Variants in SLC38A10 observed in about 807,000 individuals in gnomAD.
SLC38A10 encodes Sodium-coupled neutral amino acid transporter 10.
Under a neutral mutation model 81.0 loss-of-function variants are expected in SLC38A10, and 53 were observed. The ratio of observed to expected loss-of-function variants is 0.65; its 90% CI spans 0.53 to 0.82. The LOEUF is 0.82. Ranked by LOEUF, SLC38A10 falls within the 40% of genes least tolerant of loss-of-function variation. The probability of loss-of-function intolerance (pLI) is 0.00; values close to 1 mark genes in which losing one functional copy is unlikely to be tolerated. For synonymous variants in SLC38A10, 665 were observed against 655.3 expected, an observed-to-expected ratio of 1.01 and a Z score of -0.23; for missense variants, 1,471 against 1,545.0, an observed-to-expected ratio of 0.95 and a Z score of 0.80.
At chr17:81,282,404 G>A in intron 4 of SLC38A10, 72 bp from the exon 5 acceptor site, 1 of 1,534,364 alleles carries the variant, frequency 6.5e-7, no homozygotes, top group Non-Finnish European at 8.8e-7. Flanking sequence ...GCACTGACAG[G>A]GAGTGGGAGC....
intron 10 of SLC38A10, among the ~76,000 whole-genome samples, chr17:81,269,090 T>C (rs940799537): frequency 5.3e-5 from 8 of 152,242 alleles, no homozygotes; most frequent in Non-Finnish European, 1.2e-4. Context: ...CTTCAATCTG[T>C]CTGCTCCTAA....
At chr17:81,254,802 G>A (rs995586205) in intron 11 of SLC38A10, among the ~76,000 whole-genome samples, 1 of 152,220 alleles carries the variant, frequency 6.6e-6, no homozygotes, top group African/African-American at 2.4e-5. Context: ...AAAACATACT[G>A]GTCTCCATCA....
chr17:81,283,429 C>G lies in SLC38A10; in HGVS notation c.337G>C (p.Ala113Pro). ...CTTACCTGAAACCCGAACAGCCGGG[C>G]AAAGAAGTTGGACCCCAAGTCGCCG... is the stretch of plus-strand genomic sequence containing the variant. ...VIGDLGSNFF[A>P]RLFGFQVGGT... is the part of the protein sequence containing the mutation. Residue 113 changes from alanine (A) to proline (P), a missense_variant, in exon 4 of 16, where the codon GCC becomes CCC. Around this residue, in one of 2 missense-constraint regions of SLC38A10, gnomAD observed 720 missense variants for 827.7 expected, o/e 0.87. Transcript: ENST00000374759. This position sits in a 1 kb window ranked among gnomAD's most constrained non-coding sequence, Gnocchi z 4.7. The G allele has an allele frequency of 6.2e-7, 1 of 1,612,114 alleles. No individual in the cohort carries two copies. Among genetic ancestry groups the G allele is most frequent in the Non-Finnish European group, 8.5e-7 (1 of 1,179,014 alleles).
intron 9 of SLC38A10, among the ~76,000 whole-genome samples, chr17:81,271,553 G>C (rs1174578605): frequency 6.6e-6 from 1 of 152,102 alleles, no homozygotes; most frequent in Non-Finnish European, 1.5e-5. Flanking sequence ...GGTGCATTTG[G>C]GTAACATAAA....
Position 81,269,210 on chromosome 17 carries a change from G to A in SLC38A10, c.1131+1708C>T, listed in dbSNP as rs999066035. Among the ~76,000 whole-genome samples, 10 of 152,256 alleles carry A rather than the reference G, an allele frequency of 6.6e-5. No homozygotes were observed. In the East Asian group the frequency reaches 1.7e-3, roughly 26 times the overall value. On this transcript the variant is annotated intron_variant, in intron 10 of 15. Transcript: ENST00000374759. Reference sequence around the variant, plus strand: ...TACCTTTCTCACAACTCATAAACAAGATGATTAAAAAATCCATAAGGGGCT... The same window carrying A: ...TACCTTTCTCACAACTCATAAACAAAATGATTAAAAAATCCATAAGGGGCT...
At chr17:81,292,071 T>TC (rs1175269567) in intron 1 of SLC38A10, among the ~76,000 whole-genome samples, 1 of 152,062 alleles carries the variant, frequency 6.6e-6, no homozygotes. Context: ...TCAATGTTTA[T>TC]TATATATATA....
chr17:81,282,425 C>A, intron 4 of SLC38A10, 93 bp from the exon 5 acceptor site: 1 of 1,489,776 alleles, frequency 6.7e-7, no homozygotes, highest in Non-Finnish European at 9.0e-7. Context: ...GCCCCGAGCC[C>A]GAAAGCCGAC....
chr17:81,282,500 G>A (rs903774426), intron 4 of SLC38A10, among the ~76,000 whole-genome samples, 168 bp from the exon 5 acceptor site: 5 of 152,224 alleles, frequency 3.3e-5, no homozygotes, highest in Non-Finnish European at 7.3e-5. Flanking sequence ...CGCTCTCACA[G>A]CCACTGTGCC....
At chr17:81,282,834 G>A (rs1224591732) in intron 4 of SLC38A10, among the ~76,000 whole-genome samples, 1 of 152,206 alleles carries the variant, frequency 6.6e-6, no homozygotes, top group Non-Finnish European at 1.5e-5. Context: ...TTCCACTCCT[G>A]GAGAGGACAC....
In SLC38A10 at chr17:81,286,611, C is replaced by A. The variant is rs1409684641; in HGVS notation, c.218-1716G>T. Among the ~76,000 whole-genome samples, 1 of 152,166 alleles carries A rather than the reference C, an allele frequency of 6.6e-6. No individual in the cohort carries two copies. The highest frequency in any genetic ancestry group is 2.4e-5 in the African/African-American group (1 of 41,428). On this transcript the variant is annotated intron_variant, in intron 2 of 15. Transcript: ENST00000374759. The surrounding 1 kb of genome is among the most constrained non-coding windows in gnomAD (Gnocchi z 6.0). ...CAAGGTCCCGGGGACCCAGCCCTCC[C>A]CCGAGTGTGGACTCCCAGTGCGGGC...
intron 1 of SLC38A10, among the ~76,000 whole-genome samples, chr17:81,292,136 T>C (rs1567951524): frequency 6.6e-6 from 1 of 152,082 alleles, no homozygotes; most frequent in Non-Finnish European, 1.5e-5. Flanking sequence ...ATATATATTT[T>C]TGTTTGTTTG....
rs990281724 is a variant in SLC38A10, at chr17:81,276,331, C to T, written c.730-180G>A. On this transcript the variant is annotated intron_variant, in intron 7 of 15. Coordinates refer to ENST00000374759, the MANE Select transcript of SLC38A10 (RefSeq NM_001037984.3). The surrounding 1 kb of genome is among the most constrained non-coding windows in gnomAD (Gnocchi z 4.7). ...CAGGGGCAAGGCACCATTTCGCCTC[C>T]TCCTTCTAAAAATCTCTAGTTTCTG... is the stretch of plus-strand genomic sequence containing the variant. Among the ~76,000 whole-genome samples, 3 of 152,142 alleles carry T rather than the reference C, an allele frequency of 2.0e-5. No individual in the cohort carries two copies. Among genetic ancestry groups the T allele is most frequent in the Admixed American group, 6.5e-5 (1 of 15,278 alleles).
intron 6 of SLC38A10, chr17:81,280,165 G>A (rs758718464): frequency 1.3e-5 from 6 of 453,536 alleles, no homozygotes; most frequent in Admixed American, 4.7e-5. Context: ...AGAGCCCTGC[G>A]TGCCAGAGAG....
rs1279741249 is a variant in SLC38A10, at chr17:81,253,522, C to A, written c.1289-282G>T. Among the ~76,000 whole-genome samples, 6 of 152,128 alleles carry A rather than the reference C, an allele frequency of 3.9e-5. No homozygotes were observed. The highest frequency in any genetic ancestry group is 7.3e-5 in the Non-Finnish European group (5 of 68,028). On this transcript the variant is annotated intron_variant, in intron 11 of 15. Transcript: ENST00000374759. This position sits in a 1 kb window ranked among gnomAD's most constrained non-coding sequence, Gnocchi z 4.1. ...ACCACCAGATGGCGGCACGAGCCCA[C>A]CGACCCACTCTCCCACAGTCCCCTC...
In SLC38A10 at chr17:81,288,941, T is replaced by C. The variant is rs1370064145; in HGVS notation, c.217+750A>G. 1.3e-5 allele frequency: 2 copies of C among 152,404 alleles called. No homozygotes were observed. Among genetic ancestry groups the C allele is most frequent in the Non-Finnish European group, 2.9e-5 (2 of 68,170 alleles). The allele number at this position is 152,404 out of a possible 1,614,324, so 9.4% of individuals were successfully genotyped here. On this transcript the variant is annotated intron_variant, in intron 2 of 15. Transcript: ENST00000374759. The surrounding 1 kb of genome is among the most constrained non-coding windows in gnomAD (Gnocchi z 5.4). ...CTGAGTTTAGAAGAGGAAGCTTGTG[T>C]GGACCTGCATGGGAGCGGGCAGGAG... is the stretch of plus-strand genomic sequence containing the variant.
chr17:81,274,761 C>T (rs1485449800), intron 8 of SLC38A10, among the ~76,000 whole-genome samples: 2 of 152,074 alleles, frequency 1.3e-5, no homozygotes, highest in Non-Finnish European at 2.9e-5. Context: ...GACAGCGCAG[C>T]GGGCCTTTCA....
intron 2 of SLC38A10, chr17:81,285,192 C>A (rs1186559434): frequency 6.9e-6 from 2 of 288,272 alleles, no homozygotes; most frequent in Non-Finnish European, 1.3e-5. Context: ...GTCCTCCCAC[C>A]CGGTGACCAC....
intron 10 of SLC38A10, among the ~76,000 whole-genome samples, chr17:81,261,605 GT>G (rs776124542): frequency 6.6e-6 from 1 of 152,248 alleles, no homozygotes; most frequent in Non-Finnish European, 1.5e-5. Context: ...TCCGAAGCTG[GT>G]GGCAGCTGAA....
At position 81,285,872 on chromosome 17, in the gene SLC38A10, C is replaced by T. The variant is rs116965027; in HGVS notation, c.218-977G>A. On this transcript the variant is annotated intron_variant, in intron 2 of 15. Coordinates refer to ENST00000374759, the MANE Select transcript of SLC38A10 (RefSeq NM_001037984.3). ...AAACACTCCTTATTACTTTAAACTA[C>T]TTAGGAAGAAGCACAGCGTTGCCAA... Among the ~76,000 whole-genome samples the T allele has an allele frequency of 1.6e-4, 25 of 152,346 alleles. No individual in the cohort carries two copies. In the East Asian group the frequency reaches 4.4e-3, roughly 27 times the overall value.
Sources: gnomAD v4.1 joint callset for allele counts (sites outside exome capture counted in the v4.1 genomes callset) on GRCh38, gnomAD v4.1.1 for gene constraint, gnomAD v4.1.1 regional missense constraint, Gnocchi (gnomAD v3.1) non-coding constraint, MANE v1.5 for transcripts, NCBI Gene and HGNC (gene_info 2026-07-23, HGNC 2026-07-21) for gene names.